Variants in JPH3 observed in about 807,000 individuals in gnomAD.
JPH3 encodes junctophilin-3.
Under a neutral mutation model 59.6 loss-of-function variants are expected in JPH3, and 11 were observed. The observed-to-expected ratio is 0.18, with a 90% confidence interval of 0.12 to 0.31. The LOEUF (loss-of-function observed/expected upper bound fraction) is 0.31, where lower values mean the gene tolerates loss of function less well. Ranked by LOEUF, JPH3 falls within the 10% of genes least tolerant of loss-of-function variation. The probability of loss-of-function intolerance (pLI) is 1.00; values close to 1 mark genes in which losing one functional copy is unlikely to be tolerated. For missense variants in JPH3, 1,202 were observed against 1,105.7 expected, an observed-to-expected ratio of 1.09 and a Z score of -1.24; for synonymous variants, 673 against 483.6, an observed-to-expected ratio of 1.39 and a Z score of -5.14.
chr16:87,680,337 C>T (rs1384702011), intron 2 of JPH3, among the ~76,000 whole-genome samples: 2 of 152,230 alleles, frequency 1.3e-5, no homozygotes, highest in African/African-American at 2.4e-5. Flanking sequence ...TGAAGGGCTG[C>T]GGCGTGTGGA....
intron 1 of JPH3, among the ~76,000 whole-genome samples, chr16:87,642,129 G>A (rs1488609260): frequency 6.6e-6 from 1 of 152,106 alleles, no homozygotes; most frequent in East Asian, 1.9e-4. Flanking sequence ...GGCGGGGTGT[G>A]GGGATACCCT....
intron 1 of JPH3, among the ~76,000 whole-genome samples, chr16:87,624,468 G>A (rs752696336): frequency 2.6e-5 from 4 of 152,302 alleles, no homozygotes; most frequent in South Asian, 4.1e-4. Flanking sequence ...GGGTTCACCC[G>A]CGTGGGAGCT....
chr16:87,604,260 G>C, intron 1 of JPH3: 1 of 1,459,736 alleles, frequency 6.9e-7, no homozygotes, highest in Non-Finnish European at 9.1e-7. Context: ...ATTCGGGGCA[G>C]AGCCGGGGCC....
At chr16:87,635,742 A>G (rs1263075273) in intron 1 of JPH3, among the ~76,000 whole-genome samples, 1 of 151,326 alleles carries the variant, frequency 6.6e-6, no homozygotes, top group Non-Finnish European at 1.5e-5. Context: ...TTCACGGGCA[A>G]GGTTTAGGGG....
chr16:87,695,457 CG>C, intron 4 of JPH3: 1 of 455,800 alleles, frequency 2.2e-6, no homozygotes, highest in South Asian at 1.5e-5. Context: ...TGGAGGGCTC[CG>C]GGGGCTCTGA....
intron 1 of JPH3, among the ~76,000 whole-genome samples, chr16:87,638,892 T>C (rs557001899): frequency 2.0e-5 from 3 of 152,108 alleles, no homozygotes; most frequent in Admixed American, 2.0e-4. Context: ...CCTACGAATC[T>C]CTCAGGATGT....
At chr16:87,606,223 T>G (rs981963646) in intron 1 of JPH3, among the ~76,000 whole-genome samples, 3 of 152,234 alleles carry the variant, frequency 2.0e-5, no homozygotes, top group Non-Finnish European at 4.4e-5. Context: ...CTCTGACTTT[T>G]CCTTTGCACA....
intron 2 of JPH3, among the ~76,000 whole-genome samples, chr16:87,649,240 A>G (rs2150849298): frequency 6.6e-6 from 1 of 152,300 alleles, no homozygotes; most frequent in Non-Finnish European, 1.5e-5. Flanking sequence ...GGGAACTCCC[A>G]CTAGTGAAAG....
intron 1 of JPH3, among the ~76,000 whole-genome samples, chr16:87,635,437 G>A (rs1353573846): frequency 6.6e-6 from 1 of 152,212 alleles, no homozygotes; most frequent in African/African-American, 2.4e-5. Context: ...GCAAGAGCCT[G>A]CCAGCCATAC....
Position 87,689,738 on chromosome 16 carries a change from C to G in JPH3, c.1378C>G (p.Leu460Val), listed in dbSNP as rs1197231444. 1 of 1,612,458 alleles carries G rather than the reference C, an allele frequency of 6.2e-7. No homozygotes were observed. The highest frequency in any genetic ancestry group is 1.1e-5 in the South Asian group (1 of 91,026). ...ACCCCTGCAGCAGGAGAGCCCCGAGCTGTACCGCAAGGGCACCACTCCCTC... is the reference window on the plus strand; with the variant it reads ...ACCCCTGCAGCAGGAGAGCCCCGAGGTGTACCGCAAGGGCACCACTCCCTC... ...GTPLQQESPE[L>V]YRKGTTPSDL... The change falls in exon 4 of 5, where the codon CTG becomes GTG. Residue 460 changes from leucine (L) to valine (V), a missense_variant. Coordinates refer to ENST00000284262, the MANE Select transcript of JPH3 (RefSeq NM_020655.4).
At chr16:87,616,063 T>G (rs1038982819) in intron 1 of JPH3, among the ~76,000 whole-genome samples, 7 of 151,974 alleles carry the variant, frequency 4.6e-5, no homozygotes, top group Admixed American at 3.9e-4. Context: ...GCTGCCGCAG[T>G]TGGGAGAAGG....
chr16:87,616,456 T>C (rs1372181253), intron 1 of JPH3, among the ~76,000 whole-genome samples: 2 of 151,732 alleles, frequency 1.3e-5, no homozygotes, highest in African/African-American at 4.8e-5. Context: ...TTCACCGTGT[T>C]AGCCAGGATG....
chr16:87,619,850 C>A (rs536636974), intron 1 of JPH3, among the ~76,000 whole-genome samples: 9 of 152,226 alleles, frequency 5.9e-5, no homozygotes, highest in African/African-American at 2.2e-4. Context: ...GGATGGGGCG[C>A]AAGGAAGGGG....
intron 1 of JPH3, among the ~76,000 whole-genome samples, chr16:87,620,930 G>C (rs2031162413): frequency 6.6e-6 from 1 of 152,200 alleles, no homozygotes; most frequent in South Asian, 2.1e-4. Context: ...GGAGGCTGAG[G>C]CCTGAGCACT....
chr16:87,634,374 G>A (rs1279905492), intron 1 of JPH3, among the ~76,000 whole-genome samples: 2 of 152,184 alleles, frequency 1.3e-5, no homozygotes, highest in Non-Finnish European at 2.9e-5. Context: ...GGTCGATATG[G>A]GCCAGCCTGA....
At chr16:87,675,453 A>G (rs2033120835) in intron 2 of JPH3, among the ~76,000 whole-genome samples, 2 of 151,972 alleles carry the variant, frequency 1.3e-5, no homozygotes, top group African/African-American at 4.8e-5. Flanking sequence ...GCCTGCACAT[A>G]TCCAGCATGT....
intron 1 of JPH3, among the ~76,000 whole-genome samples, chr16:87,615,671 T>A (rs2150825471): frequency 6.6e-6 from 1 of 152,228 alleles, no homozygotes. Flanking sequence ...TGACCCGGCC[T>A]CCCTGACCCG....
At chr16:87,604,170 A>C in intron 1 of JPH3, 1 of 1,382,480 alleles carries the variant, frequency 7.2e-7, no homozygotes, top group Non-Finnish European at 9.5e-7. Flanking sequence ...GAGCCCAGGA[A>C]TCTCGTCTTT....
In JPH3 at chr16:87,694,981, G is replaced by C. The variant is rs200181795; in HGVS notation, c.2167-1599G>C. On this transcript the variant is annotated intron_variant, in intron 4 of 4. Coordinates refer to ENST00000284262, the MANE Select transcript of JPH3 (RefSeq NM_020655.4). Reference sequence around the variant, plus strand: ...GGACAGCTGGCTCTGCTTCCACTCCGTGGCTGTTGTGAATCCTGCTGCCGG... The same window carrying C: ...GGACAGCTGGCTCTGCTTCCACTCCCTGGCTGTTGTGAATCCTGCTGCCGG... 3.8e-5 allele frequency: 11 copies of C among 290,838 alleles called. No homozygotes were observed. The East Asian group carries it at 1.0e-3, about 26-fold the overall frequency. 18.0% of individuals were successfully genotyped at this position (290,838 alleles called of 1,614,324 possible).
Sources: gnomAD v4.1 joint callset for allele counts (sites outside exome capture counted in the v4.1 genomes callset) on GRCh38, gnomAD v4.1.1 for gene constraint, MANE v1.5 for transcripts, NCBI Gene and HGNC (gene_info 2026-07-23, HGNC 2026-07-21) for gene names.